NLGN1: variants seen among roughly 807,000 people sequenced by gnomAD.
NLGN1 encodes the protein neuroligin-1.
A neutral mutation model predicts 65.5 loss-of-function variants in NLGN1; 12 were observed. That is an observed-to-expected ratio of 0.18 (90% CI 0.12 to 0.30). NLGN1 has a LOEUF of 0.30. NLGN1 is among the 10% of genes least tolerant of loss of function. NLGN1 has a pLI of 1.00. For synonymous variants in NLGN1, 350 were observed against 359.5 expected, an observed-to-expected ratio of 0.97 and a Z score of 0.30; for missense variants, 750 against 1,007.1, an observed-to-expected ratio of 0.74 and a Z score of 3.46.
chr3:173,799,123 C>T (rs1269571028), intron 3 of NLGN1, among the ~76,000 whole-genome samples: 1 of 151,890 alleles, frequency 6.6e-6, no homozygotes, highest in African/African-American at 2.4e-5. Context: ...TTTTTCCCTC[C>T]CTTTTCTTTG....
chr3:174,198,844 CTT>C (rs56752477), intron 4 of NLGN1, among the ~76,000 whole-genome samples: 1 of 99,888 alleles, frequency 1.0e-5, no homozygotes, highest in Non-Finnish European at 1.9e-5. Flanking sequence ...TGACTAGATT[CTT>C]TTTTTTTTTT....
At chr3:173,747,573 C>T (rs1009150871) in intron 3 of NLGN1, among the ~76,000 whole-genome samples, 9 of 150,018 alleles carry the variant, frequency 6.0e-5, no homozygotes, top group South Asian at 2.1e-4. Context: ...ATTTTTTCTT[C>T]GCAATCTTTT....
intron 1 of NLGN1, among the ~76,000 whole-genome samples, chr3:173,407,810 A>G (rs1350407493): frequency 6.6e-6 from 1 of 152,234 alleles, no homozygotes; most frequent in Non-Finnish European, 1.5e-5. Flanking sequence ...GAAATCATAC[A>G]TCTTATTTAG....
chr3:173,842,864 C>T (rs1213520846), intron 4 of NLGN1, among the ~76,000 whole-genome samples: 1 of 152,188 alleles, frequency 6.6e-6, no homozygotes, highest in East Asian at 1.9e-4. Context: ...CTCACAGCTC[C>T]ACTAGGCAGT....
chr3:174,022,481 C>T (rs1353440930), intron 4 of NLGN1, among the ~76,000 whole-genome samples: 1 of 152,068 alleles, frequency 6.6e-6, no homozygotes, highest in African/African-American at 2.4e-5. Context: ...AATGGTGACT[C>T]CGGAAAGGCA....
At chr3:173,963,522 C>T (rs1714094912) in intron 4 of NLGN1, among the ~76,000 whole-genome samples, 2 of 152,036 alleles carry the variant, frequency 1.3e-5, no homozygotes, top group Non-Finnish European at 2.9e-5. Context: ...TTTTGGAAAT[C>T]ATCAGTATGT....
intron 4 of NLGN1, among the ~76,000 whole-genome samples, chr3:174,147,798 GAATT>G (rs1162129800): frequency 1.3e-5 from 2 of 152,010 alleles, no homozygotes; most frequent in African/African-American, 4.8e-5. Context: ...AAGGGTGTGG[GAATT>G]AATTAGATTA....
chr3:173,905,912 G>A (rs1738288537), intron 4 of NLGN1, among the ~76,000 whole-genome samples: 1 of 152,150 alleles, frequency 6.6e-6, no homozygotes, highest in African/African-American at 2.4e-5. Flanking sequence ...ATGTATTCCT[G>A]TAGTATACTA....
intron 3 of NLGN1, among the ~76,000 whole-genome samples, chr3:173,707,162 A>G (rs1768168511): frequency 6.6e-6 from 1 of 152,206 alleles, no homozygotes; most frequent in African/African-American, 2.4e-5. Flanking sequence ...AAATCCACAG[A>G]TACTTCATGA....
chr3:174,256,112 G>A (rs767365615), intron 4 of NLGN1, among the ~76,000 whole-genome samples: 16 of 152,314 alleles, frequency 1.1e-4, no homozygotes, highest in Non-Finnish European at 1.9e-4. Flanking sequence ...AGAGAGTATA[G>A]TAATAGAAGT....
chr3:173,812,133 C>T (rs1471372785), intron 4 of NLGN1, among the ~76,000 whole-genome samples: 1 of 152,108 alleles, frequency 6.6e-6, no homozygotes, highest in African/African-American at 2.4e-5. Flanking sequence ...GGAAAAGGAT[C>T]TAATTAAATA....
chr3:174,185,882 A>C (rs1345536), intron 4 of NLGN1, among the ~76,000 whole-genome samples: 64,423 of 151,622 alleles, frequency 0.42, 15,153 homozygotes, highest in East Asian at 0.64. Flanking sequence ...TTTTGCACTA[A>C]CTTTTTCCAC....
intron 2 of NLGN1, among the ~76,000 whole-genome samples, chr3:173,497,240 T>A (rs2149038304): frequency 6.6e-6 from 1 of 151,596 alleles, no homozygotes; most frequent in South Asian, 2.1e-4. Context: ...AAAAATTAGC[T>A]AGGCATGGCG....
chr3:173,834,241 A>G (rs1723158936), intron 4 of NLGN1, among the ~76,000 whole-genome samples: 1 of 152,076 alleles, frequency 6.6e-6, no homozygotes, highest in African/African-American at 2.4e-5. Context: ...CTTTGCTCCT[A>G]CCAAACTTAT....
Position 173,725,403 on chromosome 3 carries a change from A to C in NLGN1, c.494-82277A>C, listed in dbSNP as rs112941209. ...TGGGAATGAGAATAGGGAAGAGATT[A>C]GTTCCAAGAACTGAGCCCTGCTTCA... On this transcript the variant is annotated intron_variant, in intron 3 of 6. Coordinates refer to ENST00000457714, the Ensembl canonical transcript of NLGN1. Among the ~76,000 whole-genome samples the C allele has an allele frequency of 2.8e-3, 432 of 152,336 alleles. 3 individuals are homozygous for C. The highest frequency in any genetic ancestry group is 9.8e-3 in the African/African-American group (406 of 41,590).
rs1727100296 is a variant in NLGN1, at chr3:174,018,584, G to A, written c.646+210752G>A. Reference sequence around the variant, plus strand: ...TCAGGGTCCCTGACTTCCTGCAACAGGTTCTACATGGCTTTTTGAACAATA... The same window carrying A: ...TCAGGGTCCCTGACTTCCTGCAACAAGTTCTACATGGCTTTTTGAACAATA... On this transcript the variant is annotated intron_variant, in intron 4 of 6. Transcript: ENST00000457714. Among the ~76,000 whole-genome samples the A allele has an allele frequency of 3.3e-5, 5 of 152,236 alleles. No individual in the cohort carries two copies. In the South Asian group the frequency reaches 1.0e-3, roughly 32 times the overall value.
intron 2 of NLGN1, chr3:173,585,160 C>T (rs570146976): frequency 1.0e-3 from 155 of 152,268 alleles, no homozygotes; most frequent in African/African-American, 3.6e-3. Flanking sequence ...CCTCGCGCAT[C>T]CCCGGGGGGA....
chr3:173,594,499 C>T (rs1749108363), intron 2 of NLGN1, among the ~76,000 whole-genome samples: 1 of 152,232 alleles, frequency 6.6e-6, no homozygotes, highest in African/African-American at 2.4e-5. Context: ...TCCAACCTCC[C>T]TCCCAGCTGC....
intron 4 of NLGN1, among the ~76,000 whole-genome samples, chr3:173,914,006 A>C (rs909206876): frequency 1.3e-5 from 2 of 152,170 alleles, no homozygotes; most frequent in African/African-American, 2.4e-5. Context: ...ACTCCAGTCT[A>C]GTGTGCTCGC....
Sources: allele counts gnomAD v4.1 joint callset (sites outside exome capture counted in the v4.1 genomes callset), GRCh38; gene constraint gnomAD v4.1.1; transcripts MANE v1.5; gene names NCBI Gene and HGNC (gene_info 2026-07-23, HGNC 2026-07-21).